Variants in KIAA0319L observed in about 807,000 individuals in gnomAD.
KIAA0319L encodes dyslexia-associated protein KIAA0319-like protein.
In KIAA0319L, 55 loss-of-function variants were observed where a neutral mutation model predicts 120.1. That is an observed-to-expected ratio of 0.46 (90% confidence interval 0.37 to 0.57). The LOEUF (loss-of-function observed/expected upper bound fraction) is 0.57. Among genes scored for constraint, KIAA0319L ranks in the 20% least tolerant of loss-of-function variants. The pLI, the probability that KIAA0319L is intolerant of heterozygous loss-of-function variation, is 0.00. For missense variants in KIAA0319L, 1,049 were observed against 1,255.3 expected (o/e 0.84, Z 2.48); for synonymous variants, 398 against 471.9 (o/e 0.84, Z 2.03).
At chr1:35,516,165 A>G (rs572316150) in intron 2 of KIAA0319L, among the ~76,000 whole-genome samples, 9 of 152,310 alleles carry the variant, frequency 5.9e-5, no homozygotes, top group Admixed American at 3.9e-4. Flanking sequence ...ATTCCAAAAA[A>G]TTGAAGAGGA....
intron 2 of KIAA0319L, among the ~76,000 whole-genome samples, chr1:35,529,367 T>C (rs1646275047): frequency 6.6e-6 from 1 of 152,264 alleles, no homozygotes; most frequent in Non-Finnish European, 1.5e-5. Flanking sequence ...AGTGAGTCCT[T>C]ACTCTTTCTC....
chr1:35,538,121 T>C (rs892104364), intron 2 of KIAA0319L, among the ~76,000 whole-genome samples: 1 of 152,180 alleles, frequency 6.6e-6, no homozygotes, highest in Non-Finnish European at 1.5e-5. Flanking sequence ...CTTCTTTATG[T>C]TTCTACATCT....
intron 2 of KIAA0319L, among the ~76,000 whole-genome samples, chr1:35,538,013 A>G (rs1646647607): frequency 6.6e-6 from 1 of 152,222 alleles, no homozygotes; most frequent in Non-Finnish European, 1.5e-5. Context: ...CAAAGGGATT[A>G]GAACATCCCA....
intron 20 of KIAA0319L, among the ~76,000 whole-genome samples, chr1:35,438,139 G>A (rs1640931248): frequency 6.6e-6 from 1 of 152,156 alleles, no homozygotes; most frequent in Non-Finnish European, 1.5e-5. Flanking sequence ...GCATCACCAG[G>A]ATAAATGTTT....
At chr1:35,450,287 G>A in intron 14 of KIAA0319L, 71 bp downstream of exon 14, 1 of 1,468,932 alleles carries the variant, frequency 6.8e-7, no homozygotes, top group South Asian at 1.2e-5. Flanking sequence ...CTTGATTAAA[G>A]CATATACTGG....
chr1:35,522,443 C>A (rs188770409), intron 2 of KIAA0319L, among the ~76,000 whole-genome samples: 63 of 151,962 alleles, frequency 4.1e-4, no homozygotes, highest in African/African-American at 1.4e-3. Flanking sequence ...CCACGCCCAG[C>A]TAATTTTTGT....
chr1:35,466,493 G>A (rs1227572777), intron 7 of KIAA0319L, 115 bp downstream of exon 7: 1 of 679,182 alleles, frequency 1.5e-6, no homozygotes, highest in African/African-American at 1.8e-5. Flanking sequence ...ACTAGGAATT[G>A]CTGAATAAAT....
chr1:35,495,841 G>A (rs1308262754), intron 3 of KIAA0319L, among the ~76,000 whole-genome samples: 2 of 138,932 alleles, frequency 1.4e-5, no homozygotes, highest in African/African-American at 3.0e-5. Flanking sequence ...TTTTAAAAAT[G>A]GGGAAAAATA....
At chr1:35,488,933 C>A (rs561322910) in intron 3 of KIAA0319L, among the ~76,000 whole-genome samples, 40 of 152,224 alleles carry the variant, frequency 2.6e-4, no homozygotes, top group African/African-American at 9.1e-4. Context: ...TGCAGACTAC[C>A]TTTGATATTT....
intron 2 of KIAA0319L, among the ~76,000 whole-genome samples, chr1:35,535,714 CCACT>C (rs1284752294): frequency 6.6e-6 from 1 of 152,156 alleles, no homozygotes; most frequent in Admixed American, 6.6e-5. Context: ...AGCTCGGCCA[CCACT>C]TTTTCCAGGA....
chr1:35,542,810 G>A (rs1646841280), intron 2 of KIAA0319L, among the ~76,000 whole-genome samples: 2 of 152,064 alleles, frequency 1.3e-5, no homozygotes, highest in South Asian at 2.1e-4. Flanking sequence ...GCTATGCTTC[G>A]GCCCTGCAAT....
intron 2 of KIAA0319L, among the ~76,000 whole-genome samples, chr1:35,538,847 T>A (rs1242020324): frequency 6.6e-6 from 1 of 152,036 alleles, no homozygotes; most frequent in Non-Finnish European, 1.5e-5. Flanking sequence ...CATTTTCAAG[T>A]TAATTGTAAG....
At position 35,448,333 on chromosome 1, in the gene KIAA0319L, C is replaced by A; in HGVS notation, c.2354-1G>T. 3.7e-6 allele frequency: 6 copies of A among 1,613,060 alleles called. No homozygotes were observed. The highest frequency in any genetic ancestry group is 5.1e-6 in the Non-Finnish European group (6 of 1,179,392). ...TCCACCAGGTTGTTTTTCCTGGGAT[C>A]TGGAAAGCATGTGGATCAGTCATGG... On this transcript the variant is annotated splice_acceptor_variant, in intron 15 of 20. Transcript: ENST00000325722. LOFTEE classifies it high-confidence loss of function.
At chr1:35,454,272 C>T (rs1414278381) in intron 11 of KIAA0319L, 90 bp downstream of exon 11, 1 of 1,408,002 alleles carries the variant, frequency 7.1e-7, no homozygotes, top group South Asian at 1.2e-5. Context: ...CTGCTTCTAC[C>T]CTCATACAGC....
chr1:35,552,456 C>T (rs149896069), intron 2 of KIAA0319L, among the ~76,000 whole-genome samples: 107 of 152,296 alleles, frequency 7.0e-4, no homozygotes, highest in African/African-American at 2.5e-3. Context: ...AGAATCCTAC[C>T]TCCACCATGT....
chr1:35,549,678 A>G (rs891449602), intron 2 of KIAA0319L, among the ~76,000 whole-genome samples: 2 of 152,118 alleles, frequency 1.3e-5, no homozygotes, highest in African/African-American at 2.4e-5. Flanking sequence ...AGATGTATAC[A>G]TTCTTTCTTT....
At chr1:35,446,562 C>T (rs1641640295) in intron 16 of KIAA0319L, among the ~76,000 whole-genome samples, 1 of 152,148 alleles carries the variant, frequency 6.6e-6, no homozygotes, top group African/African-American at 2.4e-5. Context: ...AATCACAAAC[C>T]CATAGGCCTA....
intron 9 of KIAA0319L, among the ~76,000 whole-genome samples, chr1:35,456,736 G>C (rs1199230294): frequency 6.6e-6 from 1 of 151,770 alleles, no homozygotes; most frequent in Non-Finnish European, 1.5e-5. Flanking sequence ...TCTTGAACCC[G>C]GGAGGCGGAC....
At position 35,444,152 on chromosome 1, in the gene KIAA0319L, A is replaced by C; in HGVS notation, c.2656+9T>G. The C allele has an allele frequency of 6.3e-7, 1 of 1,585,352 alleles. No homozygotes were observed. The highest frequency in any genetic ancestry group is 1.1e-5 in the South Asian group (1 of 87,022). On this transcript the variant is annotated intron_variant, in intron 17 of 20. Coordinates refer to ENST00000325722, the MANE Select transcript of KIAA0319L (RefSeq NM_024874.5). ...AGGCTCTTGCTCCCAAATTCCCAGAATTACTCACTGACAGTGTTGACTTCC... is the reference window on the plus strand; with the variant it reads ...AGGCTCTTGCTCCCAAATTCCCAGACTTACTCACTGACAGTGTTGACTTCC...
Sources: allele counts gnomAD v4.1 joint callset (sites outside exome capture counted in the v4.1 genomes callset), GRCh38; gene constraint gnomAD v4.1.1; transcripts MANE v1.5; gene names NCBI Gene and HGNC (gene_info 2026-07-23, HGNC 2026-07-21).